The following PRKCG variants were observed in gnomAD, a reference collection of about 807,000 sequenced individuals.
PRKCG encodes protein kinase C gamma, also known as protein kinase C gamma type.
A neutral mutation model predicts 82.0 loss-of-function variants in PRKCG; 28 were observed. That is an observed-to-expected ratio of 0.34 (90% confidence interval 0.25 to 0.47). The LOEUF is 0.47. Among genes scored for constraint, PRKCG ranks in the 20% least tolerant of loss-of-function variants. The pLI is 1.00. For missense variants in PRKCG, 640 were observed against 952.7 expected (o/e 0.67, Z 4.32); for synonymous variants, 383 against 376.6 (o/e 1.02, Z -0.20).
chr19:53,897,907 A>G (rs376414036), intron 9 of PRKCG, 52 bp from the exon 10 acceptor site: 35 of 1,611,940 alleles, frequency 2.2e-5, no homozygotes, highest in Admixed American at 1.2e-4. Flanking sequence ...GCATTTCCTT[A>G]TCGCTGTGTA....
Position 53,900,896 on chromosome 19 carries a change from TC to T in PRKCG, c.1575+149del. ...TACACAGCCAGTCGTTCCTCCAGCC[TC>T]CAGCACAGGTGAGCTTGGCACTGAG... On this transcript the variant is annotated intron_variant, in intron 14 of 17. Transcript: ENST00000263431. The surrounding 1 kb of genome is among the most constrained non-coding windows in gnomAD (Gnocchi z 4.2). 2 of 1,415,088 alleles carry T rather than the reference TC, an allele frequency of 1.4e-6. No homozygotes were observed. The highest frequency in any genetic ancestry group is 9.8e-7 in the Non-Finnish European group (1 of 1,016,552). The allele number at this position is 1,415,088 out of a possible 1,614,324, so 87.7% of individuals were successfully genotyped here.
At position 53,907,094 on chromosome 19, in the gene PRKCG, C is replaced by G; in HGVS notation, c.*199C>G. On this transcript the variant is annotated 3_prime_UTR_variant, in exon 18 of 18. Transcript: ENST00000263431. ...CTCCATACAGCCTCTACAGCCGTCC[C>G]GCGTTCAAGACTTGAGCGGAGCCCG... 1 of 1,261,230 alleles carries G rather than the reference C, an allele frequency of 7.9e-7. No homozygotes were observed. Among genetic ancestry groups the G allele is most frequent in the South Asian group, 1.4e-5 (1 of 69,518 alleles). 78.1% of individuals were successfully genotyped at this position (1,261,230 alleles called of 1,614,324 possible).
chr19:53,905,956 C>T (rs1352530605), intron 16 of PRKCG, among the ~76,000 whole-genome samples: 2 of 140,804 alleles, frequency 1.4e-5, no homozygotes, highest in Non-Finnish European at 1.5e-5. Flanking sequence ...CCCTCTGTCT[C>T]TCTCTCTCTC....
intron 6 of PRKCG, 123 bp downstream of exon 6, chr19:53,891,953 G>A (rs2068679779): frequency 2.4e-6 from 3 of 1,261,686 alleles, no homozygotes; most frequent in Admixed American, 1.9e-5. Flanking sequence ...AAGGGCAGAA[G>A]AAGATGGTGG....
Position 53,903,115 on chromosome 19 carries a change from T to A in PRKCG, c.1618T>A (p.Ser540Thr). The A allele has an allele frequency of 6.2e-7, 1 of 1,613,880 alleles. No individual in the cohort carries two copies. Among genetic ancestry groups the A allele is most frequent in the Non-Finnish European group, 8.5e-7 (1 of 1,179,922 alleles). ...CTATGGGAAGTCTGTCGATTGGTGG[T>A]CCTTTGGAGTTCTGCTGTATGAGAT... ...QPYGKSVDWW[S>T]FGVLLYEMLA... The change falls in exon 15 of 18, where the codon TCC (serine) becomes ACC (threonine). Residue 540 changes from serine (S) to threonine (T), a missense_variant. Transcript: ENST00000263431.
Position 53,893,065 on chromosome 19 carries a change from A to G in PRKCG, c.899A>G (p.Gln300Arg), listed in dbSNP as rs749041380. The change falls in exon 8 of 18, where the codon CAG becomes CGG. Residue 300 changes from glutamine to arginine, a missense_variant. Gln to Arg is a conservative substitution (Grantham distance 43). Transcript: ENST00000263431. ...GATGCTGACAACTGCAGCCTCCTCC[A>G]GAAGTTTGAGGTACCCAGACCCTGG... is the stretch of plus-strand genomic sequence containing the variant. ...VADADNCSLL[Q>R]KFEACNYPLE... The G allele has an allele frequency of 2.5e-6, 4 of 1,613,864 alleles. No individual in the cohort carries two copies. Among genetic ancestry groups the G allele is most frequent in the African/African-American group, 2.7e-5 (2 of 75,030 alleles).
rs917231228 is a variant in PRKCG at position 53,907,563 on chromosome 19, T to A, written c.*668T>A. On this transcript the variant is annotated 3_prime_UTR_variant, in exon 18 of 18. Coordinates refer to ENST00000263431, the MANE Select transcript of PRKCG (RefSeq NM_002739.5). ...CAACTCTCCCCAGTGCCTGCCACTC[T>A]CTGGGACTCTCCTCCTCCCCTCCTC... 6.5e-6 allele frequency: 1 copy of A among 154,414 alleles called. No individual in the cohort carries two copies. The highest frequency in any genetic ancestry group is 1.4e-5 in the Non-Finnish European group (1 of 69,608). 9.6% of individuals were successfully genotyped at this position (154,414 alleles called of 1,614,324 possible). A position where few individuals can be genotyped will look rare whatever the true frequency, so the allele number is the denominator to read the frequency against.
chr19:53,891,194 G>A (rs1253371326), intron 5 of PRKCG, among the ~76,000 whole-genome samples: 1 of 152,136 alleles, frequency 6.6e-6, no homozygotes, highest in Non-Finnish European at 1.5e-5. Flanking sequence ...CAGGGTCACT[G>A]GTTGCGGAAA....
At position 53,891,663 on chromosome 19, in the gene PRKCG, TC is replaced by T. The variant is rs761691760; in HGVS notation, c.530-7del. The stretch of plus-strand genomic sequence containing the variant: ...TCTAACCCGTCACACTCTTCCTCAC[TC>T]CCCGTTTAGTTGGCGAGGCCCGTAA... On this transcript the variant is annotated splice_polypyrimidine_tract_variant and intron_variant, in intron 5 of 17. Coordinates refer to ENST00000263431, the MANE Select transcript of PRKCG (RefSeq NM_002739.5). The T allele has an allele frequency of 1.9e-6, 3 of 1,613,408 alleles. No homozygotes were observed. The East Asian group carries it at 6.7e-5, about 36-fold the overall frequency.
In PRKCG at chr19:53,884,009, T is replaced by C; in HGVS notation, c.203-152T>C. On this transcript the variant is annotated intron_variant, in intron 2 of 17. Transcript: ENST00000263431. The surrounding 1 kb of genome is among the most constrained non-coding windows in gnomAD (Gnocchi z 4.6). The stretch of plus-strand genomic sequence containing the variant: ...TGCTTCTCTCTCTGGCCTCCGATTT[T>C]CTCTCTGTTGGACTCTCTGTGTTGA... 1.3e-6 allele frequency: 1 copy of C among 760,774 alleles called. No homozygotes were observed. The allele number at this position is 760,774 out of a possible 1,614,324, so 47.1% of individuals were successfully genotyped here. A position where few individuals can be genotyped will look rare whatever the true frequency, so the allele number is the denominator to read the frequency against.
In PRKCG at chr19:53,892,720, G is replaced by A. The variant is rs1397825875; in HGVS notation, c.821+77G>A. ...TCTGTGTGTGGTCTCTCTCCTCCAG[G>A]CCACTGTCCTTCCCTCTGCCTCCCA... On this transcript the variant is annotated intron_variant, in intron 7 of 17. Coordinates refer to ENST00000263431, the MANE Select transcript of PRKCG (RefSeq NM_002739.5). The surrounding 1 kb of genome is among the most constrained non-coding windows in gnomAD (Gnocchi z 5.9). 2 of 1,537,938 alleles carry A rather than the reference G, an allele frequency of 1.3e-6. No individual in the cohort carries two copies. Among genetic ancestry groups the A allele is most frequent in the African/African-American group, 1.4e-5 (1 of 73,218 alleles).
At position 53,906,402 on chromosome 19, in the gene PRKCG, T is replaced by C; in HGVS notation, c.1850T>C (p.Ile617Thr). Residue 617 changes from isoleucine (I) to threonine (T), a missense_variant, in exon 17 of 18, where the codon ATT becomes ACT. Ile to Thr is a moderately conservative substitution (Grantham distance 89). Coordinates refer to ENST00000263431, the MANE Select transcript of PRKCG (RefSeq NM_002739.5). Reference sequence around the variant, plus strand: ...CGTGCACATGGCTTTTTCCGCTGGATTGACTGGGAGCGGCTGGAACGATTG... The same window carrying C: ...CGTGCACATGGCTTTTTCCGCTGGACTGACTGGGAGCGGCTGGAACGATTG... ...TIRAHGFFRWIDWERLERLEI... is the reference protein window; with the variant it reads ...TIRAHGFFRWTDWERLERLEI... The C allele has an allele frequency of 6.4e-7, 1 of 1,570,622 alleles. No homozygotes were observed.
intron 9 of PRKCG, among the ~76,000 whole-genome samples, chr19:53,897,270 T>C (rs1342413063): frequency 6.6e-6 from 1 of 152,160 alleles, no homozygotes; most frequent in Non-Finnish European, 1.5e-5. Context: ...GAGTAGAGAA[T>C]GCATTAGAAA....
intron 5 of PRKCG, among the ~76,000 whole-genome samples, chr19:53,891,424 C>T (rs563135708): frequency 6.7e-6 from 1 of 150,352 alleles, no homozygotes; most frequent in South Asian, 2.1e-4. Flanking sequence ...CCACAGACAC[C>T]TGCCACCACG....
intron 10 of PRKCG, 150 bp from the exon 11 acceptor site, chr19:53,898,290 A>G: frequency 7.6e-7 from 1 of 1,320,100 alleles, no homozygotes; most frequent in Non-Finnish European, 1.1e-6. Flanking sequence ...ACTCTCCTTG[A>G]GGGGACGGGC....
chr19:53,903,241 CA>C, intron 15 of PRKCG, 88 bp downstream of exon 15: 2 of 1,031,976 alleles, frequency 1.9e-6, no homozygotes, highest in South Asian at 2.5e-5. Context: ...GAAAGGAGCC[CA>C]GAAGGTTGTG....
rs1242794973 is a variant in PRKCG, at chr19:53,903,429, G to T, written c.1656+276G>T. On this transcript the variant is annotated intron_variant, in intron 15 of 17. Transcript: ENST00000263431. ...AGAATGTTTTTCAATGCACAAAATA[G>T]AATAATACATACGCAGAAAACCAAG... Among the ~76,000 whole-genome samples, 5 of 152,322 alleles carry T rather than the reference G, an allele frequency of 3.3e-5. No homozygotes were observed. The East Asian group carries it at 7.7e-4, about 23-fold the overall frequency.
chr19:53,906,086 T>A (rs1229218422), intron 16 of PRKCG, among the ~76,000 whole-genome samples: 1 of 65,742 alleles, frequency 1.5e-5, no homozygotes, highest in South Asian at 5.6e-4. Context: ...CTCCTCCTCC[T>A]TCTTCTTCTT....
chr19:53,894,126 T>C (rs1271535562), intron 9 of PRKCG, among the ~76,000 whole-genome samples: 7 of 151,272 alleles, frequency 4.6e-5, no homozygotes, highest in Non-Finnish European at 2.9e-5. Flanking sequence ...AGTGCAGTGG[T>C]GCGATCTCGG....
Sources: allele counts gnomAD v4.1 joint callset (sites outside exome capture counted in the v4.1 genomes callset), GRCh38; gene constraint gnomAD v4.1.1; non-coding constraint Gnocchi (gnomAD v3.1); transcripts MANE v1.5; gene names NCBI Gene and HGNC (gene_info 2026-07-23, HGNC 2026-07-21).